Variants in EPHA3 observed in about 807,000 individuals in gnomAD.
EPHA3 encodes the protein EPH receptor A3, also known as ephrin type-A receptor 3.
In EPHA3, 42 loss-of-function variants were observed where a neutral mutation model predicts 107.1. That is an observed-to-expected ratio of 0.39 (90% CI 0.31 to 0.51). The LOEUF (loss-of-function observed/expected upper bound fraction) is 0.51. EPHA3 is among the 20% of genes least tolerant of loss of function. EPHA3 has a pLI of 0.78. For synonymous variants in EPHA3, 461 were observed against 424.8 expected (o/e 1.09, Z -1.05); for missense variants, 1,183 against 1,211.2 (o/e 0.98, Z 0.35).
intron 15 of EPHA3, among the ~76,000 whole-genome samples, chr3:89,466,884 A>G (rs2107569869): frequency 6.6e-6 from 1 of 151,462 alleles, no homozygotes; most frequent in East Asian, 1.9e-4. Flanking sequence ...TCTTAAAATC[A>G]AAACAGCTAA....
chr3:89,341,665 A>G (rs1420943883), intron 4 of EPHA3, 90 bp from the exon 5 acceptor site: 2 of 1,004,852 alleles, frequency 2.0e-6, no homozygotes, highest in Admixed American at 5.2e-5. Flanking sequence ...ATAGTTATTT[A>G]CCTCATTCAG....
At position 89,431,310 on chromosome 3, in the gene EPHA3, G is replaced by T. The variant is rs1366099808; in HGVS notation, c.2297G>T (p.Gly766Val). 6.2e-7 allele frequency: 1 copy of T among 1,613,520 alleles called. No individual in the cohort carries two copies. The highest frequency in any genetic ancestry group is 8.5e-7 in the Non-Finnish European group (1 of 1,179,896). The part of the protein sequence containing the change: ...SNLVCKVSDF[G>V]LSRVLEDDPE... ...TTGGTGTGTAAGGTTTCTGATTTCG[G>T]ACTTTCGCGTGTCCTGGAGGATGAC... Residue 766 changes from glycine to valine, a missense_variant, in exon 13 of 17, where the codon GGA becomes GTA. Transcript: ENST00000336596.
At chr3:89,444,380 ATT>A (rs11353317) in intron 13 of EPHA3, among the ~76,000 whole-genome samples, 3,050 of 151,120 alleles carry the variant, frequency 0.02, 92 homozygotes, top group African/African-American at 0.066. Flanking sequence ...CTGTAGTTTG[ATT>A]TTTTTTTTTA....
At chr3:89,442,051 C>T (rs1331020378) in intron 13 of EPHA3, among the ~76,000 whole-genome samples, 1 of 151,812 alleles carries the variant, frequency 6.6e-6, no homozygotes, top group Admixed American at 6.6e-5. Context: ...GTTACTTATA[C>T]CTCCATTTAA....
intron 3 of EPHA3, among the ~76,000 whole-genome samples, chr3:89,310,160 T>C (rs566643751): frequency 1.3e-5 from 2 of 152,158 alleles, no homozygotes; most frequent in South Asian, 4.1e-4. Flanking sequence ...GTATAGCCCT[T>C]TGAGCAGTTC....
At chr3:89,206,066 A>T (rs1185252997) in intron 2 of EPHA3, among the ~76,000 whole-genome samples, 1 of 152,156 alleles carries the variant, frequency 6.6e-6, no homozygotes, top group East Asian at 1.9e-4. Flanking sequence ...CAAATGCTAG[A>T]GTTAGAGACT....
At chr3:89,436,700 G>A (rs1298216239) in intron 13 of EPHA3, among the ~76,000 whole-genome samples, 1 of 152,172 alleles carries the variant, frequency 6.6e-6, no homozygotes, top group African/African-American at 2.4e-5. Flanking sequence ...TTGAGGAGTT[G>A]AGGAAACACC....
chr3:89,344,427 G>A (rs1195255874), intron 5 of EPHA3, among the ~76,000 whole-genome samples: 1 of 152,108 alleles, frequency 6.6e-6, no homozygotes, highest in Admixed American at 6.6e-5. Flanking sequence ...TTTATAATAT[G>A]CACCACCAGG....
At chr3:89,425,222 C>A (rs1709431749) in intron 11 of EPHA3, among the ~76,000 whole-genome samples, 1 of 150,586 alleles carries the variant, frequency 6.6e-6, no homozygotes, top group Non-Finnish European at 1.5e-5. Flanking sequence ...AAAAAAATAC[C>A]CTAACTCAGC....
intron 5 of EPHA3, among the ~76,000 whole-genome samples, chr3:89,369,225 C>A (rs1267354569): frequency 6.6e-6 from 1 of 150,932 alleles, no homozygotes; most frequent in Non-Finnish European, 1.5e-5. Flanking sequence ...AAGCTGGAGC[C>A]ATCAGGCTAC....
chr3:89,400,634 A>AGTGT (rs1289909331), intron 7 of EPHA3, among the ~76,000 whole-genome samples: 2 of 143,010 alleles, frequency 1.4e-5, no homozygotes, highest in African/African-American at 5.0e-5. Context: ...TGTGTGTGTG[A>AGTGT]GCGTGTGTGT....
chr3:89,232,655 T>C (rs1704664807), intron 3 of EPHA3, among the ~76,000 whole-genome samples: 1 of 152,192 alleles, frequency 6.6e-6, no homozygotes, highest in African/African-American at 2.4e-5. Context: ...TGCCACTTCT[T>C]AATTTTATGC....
intron 3 of EPHA3, among the ~76,000 whole-genome samples, chr3:89,219,642 G>T (rs1384230885): frequency 4.7e-5 from 7 of 148,004 alleles, no homozygotes; most frequent in Non-Finnish European, 8.9e-5. Context: ...GTCTACACCA[G>T]TGTTCCTAGC....
intron 2 of EPHA3, among the ~76,000 whole-genome samples, chr3:89,129,209 C>T (rs1477504957): frequency 1.3e-5 from 2 of 152,158 alleles, no homozygotes; most frequent in Non-Finnish European, 2.9e-5. Context: ...TCTCTTATAA[C>T]TTCCACAGTC....
At chr3:89,308,713 T>C (rs1706691573) in intron 3 of EPHA3, among the ~76,000 whole-genome samples, 1 of 152,042 alleles carries the variant, frequency 6.6e-6, no homozygotes, top group South Asian at 2.1e-4. Flanking sequence ...TAGTTGGTTA[T>C]AGTCAGTATA....
intron 13 of EPHA3, among the ~76,000 whole-genome samples, chr3:89,435,735 C>T (rs1709656688): frequency 6.7e-6 from 1 of 149,610 alleles, no homozygotes; most frequent in South Asian, 2.1e-4. Context: ...GGCAGATCAC[C>T]TGAGGTCAGA....
chr3:89,353,188 A>G (rs1375068645), intron 5 of EPHA3, among the ~76,000 whole-genome samples: 3 of 151,364 alleles, frequency 2.0e-5, no homozygotes, highest in East Asian at 1.9e-4. Context: ...ATGGCCACCT[A>G]TTGGTATAGT....
At chr3:89,322,710 A>C (rs1361343451) in intron 3 of EPHA3, among the ~76,000 whole-genome samples, 3 of 152,146 alleles carry the variant, frequency 2.0e-5, no homozygotes, top group Admixed American at 2.0e-4. Context: ...TACAAAGTCA[A>C]AGGTAATCAT....
chr3:89,302,686 A>G (rs1706519998), intron 3 of EPHA3, among the ~76,000 whole-genome samples: 1 of 152,024 alleles, frequency 6.6e-6, no homozygotes, highest in Non-Finnish European at 1.5e-5. Context: ...AAATGTCTAT[A>G]TTTTCTGAAT....
Sources: gnomAD v4.1 joint callset for allele counts (sites outside exome capture counted in the v4.1 genomes callset) on GRCh38, gnomAD v4.1.1 for gene constraint, MANE v1.5 for transcripts, NCBI Gene and HGNC (gene_info 2026-07-23, HGNC 2026-07-21) for gene names.